Variants in HACE1 observed in about 807,000 individuals in gnomAD.
HACE1 encodes E3 ubiquitin-protein ligase HACE1.
HACE1 carries 73 observed loss-of-function variants against 118.4 expected under a neutral mutation model. That is an observed-to-expected ratio of 0.62 (90% CI 0.51 to 0.75). The LOEUF is 0.75. Among genes scored for constraint, HACE1 ranks in the 30% least tolerant of loss-of-function variants. HACE1 has a pLI of 0.00. For synonymous variants in HACE1, 368 were observed against 374.8 expected (o/e 0.98, Z 0.21); for missense variants, 749 against 1,102.2 (o/e 0.68, Z 4.54).
intron 20 of HACE1, among the ~76,000 whole-genome samples, chr6:104,749,132 T>C (rs994347408): frequency 6.6e-6 from 1 of 152,196 alleles, no homozygotes; most frequent in African/African-American, 2.4e-5. Context: ...TTTACATACA[T>C]ATAGGTCCAG....
chr6:104,824,081 C>T (rs1163463470), intron 6 of HACE1, among the ~76,000 whole-genome samples: 1 of 152,186 alleles, frequency 6.6e-6, no homozygotes, highest in Non-Finnish European at 1.5e-5. Flanking sequence ...GCTGTTAACA[C>T]TTATCCAACC....
chr6:104,730,112 C>T (rs948958468), intron 23 of HACE1, among the ~76,000 whole-genome samples, 191 bp downstream of exon 23: 1 of 152,056 alleles, frequency 6.6e-6, no homozygotes, highest in African/African-American at 2.4e-5. Context: ...GGAGTTAGGG[C>T]TTCCTCAAAC....
chr6:104,736,536 C>T (rs1775859326), intron 22 of HACE1, among the ~76,000 whole-genome samples: 1 of 152,118 alleles, frequency 6.6e-6, no homozygotes, highest in African/African-American at 2.4e-5. Flanking sequence ...CCCACCTCAG[C>T]CTCTCAAAGT....
rs1056338897 is a variant in HACE1, at chr6:104,813,278, A to G, written c.535-1885T>C. Among the ~76,000 whole-genome samples, 4 of 138,494 alleles carry G rather than the reference A, an allele frequency of 2.9e-5. 2 individuals carry two copies. The highest frequency in any genetic ancestry group is 6.2e-5 in the Non-Finnish European group (4 of 64,430). The allele number at this position is 138,494 out of a possible 152,430, so 90.9% of individuals were successfully genotyped here. On this transcript the variant is annotated intron_variant, in intron 6 of 23. Transcript: ENST00000262903. ...CAAGGTGGAAAGATCATTTAAGGCC[A>G]GGAGTTCAAGACCAGCCTAGGCAAT...
At chr6:104,747,050 C>T (rs1015399208) in intron 20 of HACE1, among the ~76,000 whole-genome samples, 2 of 151,682 alleles carry the variant, frequency 1.3e-5, no homozygotes, top group African/African-American at 4.8e-5. Flanking sequence ...GGTTACTAAA[C>T]TGACCAAAAA....
intron 6 of HACE1, among the ~76,000 whole-genome samples, chr6:104,829,557 C>T (rs977435725): frequency 1.1e-4 from 16 of 152,136 alleles, no homozygotes; most frequent in African/African-American, 3.4e-4. Flanking sequence ...ATAATCAGTG[C>T]TAAGCATTCC....
chr6:104,771,796 C>T, intron 18 of HACE1, 129 bp downstream of exon 18: 2 of 638,518 alleles, frequency 3.1e-6, no homozygotes, highest in Non-Finnish European at 2.7e-6. Flanking sequence ...GAATGGCTTA[C>T]ATATACAGAT....
At chr6:104,772,266 T>C (rs1203061605) in intron 17 of HACE1, among the ~76,000 whole-genome samples, 192 bp from the exon 18 acceptor site, 1 of 152,158 alleles carries the variant, frequency 6.6e-6, no homozygotes, top group Non-Finnish European at 1.5e-5. Flanking sequence ...TAGATGATAA[T>C]CATTTATTCA....
At chr6:104,818,897 A>G (rs1049299781) in intron 6 of HACE1, among the ~76,000 whole-genome samples, 5 of 152,206 alleles carry the variant, frequency 3.3e-5, no homozygotes, top group African/African-American at 4.8e-5. Context: ...CCTCAAAATA[A>G]TATGAACCAT....
At chr6:104,737,061 A>T (rs985236522) in intron 22 of HACE1, among the ~76,000 whole-genome samples, 3 of 151,832 alleles carry the variant, frequency 2.0e-5, no homozygotes, top group Admixed American at 2.0e-4. Flanking sequence ...AGGCGGGTGG[A>T]TCACCTGAGG....
At chr6:104,844,912 C>T (rs1775499455) in intron 4 of HACE1, among the ~76,000 whole-genome samples, 2 of 152,030 alleles carry the variant, frequency 1.3e-5, no homozygotes, top group South Asian at 4.1e-4. Context: ...AATCCGCCTG[C>T]CTCAGCCTCC....
At chr6:104,848,311 C>G (rs1405011009) in intron 4 of HACE1, among the ~76,000 whole-genome samples, 3 of 151,494 alleles carry the variant, frequency 2.0e-5, no homozygotes, top group African/African-American at 7.3e-5. Context: ...CAAAAATTAG[C>G]TGGACGTGGT....
At chr6:104,798,344 A>G (rs1464136277) in intron 7 of HACE1, among the ~76,000 whole-genome samples, 2 of 152,172 alleles carry the variant, frequency 1.3e-5, no homozygotes, top group Non-Finnish European at 2.9e-5. Flanking sequence ...ATTCTCTTTC[A>G]CAAAACGGCA....
chr6:104,744,470 C>T (rs777386067), intron 21 of HACE1, 42 bp downstream of exon 21: 55 of 1,116,054 alleles, frequency 4.9e-5, no homozygotes, highest in Middle Eastern at 3.9e-4. Flanking sequence ...CAAAATTAAA[C>T]GGCAAAACTT....
rs1454940829 is a variant in HACE1 at position 104,783,969 on chromosome 6, CA to C, written c.1566+116del. Reference sequence around the variant, plus strand: ...TTACTCCTCATATTAAAGTAACATGCAATCATTCCTCTTACAACAGAATGTC... The same window carrying C: ...TTACTCCTCATATTAAAGTAACATGCATCATTCCTCTTACAACAGAATGTC... On this transcript the variant is annotated intron_variant, in intron 14 of 23. Transcript: ENST00000262903. The C allele has an allele frequency of 7.2e-6, 5 of 694,722 alleles. No individual in the cohort carries two copies. In the African/African-American group the frequency reaches 9.0e-5, roughly 13 times the overall value. The allele number at this position is 694,722 out of a possible 1,614,324, so 43.0% of individuals were successfully genotyped here.
intron 22 of HACE1, among the ~76,000 whole-genome samples, chr6:104,734,160 AAAG>A (rs1775542307): frequency 1.3e-5 from 2 of 151,716 alleles, no homozygotes; most frequent in Non-Finnish European, 2.9e-5. Flanking sequence ...AAAAAAAAAA[AAAG>A]AAATCATCAA....
chr6:104,844,228 G>GGT (rs1775404924), intron 4 of HACE1, among the ~76,000 whole-genome samples: 2 of 151,892 alleles, frequency 1.3e-5, no homozygotes, highest in African/African-American at 4.8e-5. Flanking sequence ...GTAGAAACGG[G>GGT]GTTTCACCAT....
At chr6:104,767,532 G>T (rs1780145607) in intron 19 of HACE1, among the ~76,000 whole-genome samples, 3 of 151,958 alleles carry the variant, frequency 2.0e-5, no homozygotes, top group Non-Finnish European at 4.4e-5. Context: ...GTTTCTTTTT[G>T]TTTTCTTAAC....
chr6:104,730,513 T>C, intron 22 of HACE1, 97 bp from the exon 23 acceptor site: 2 of 718,740 alleles, frequency 2.8e-6, no homozygotes, highest in South Asian at 2.9e-5. Flanking sequence ...TATATCCAAC[T>C]CTAGGACAAT....
Sources: gnomAD v4.1 joint callset for allele counts (sites outside exome capture counted in the v4.1 genomes callset) on GRCh38, gnomAD v4.1.1 for gene constraint, MANE v1.5 for transcripts, NCBI Gene and HGNC (gene_info 2026-07-23, HGNC 2026-07-21) for gene names.